The following METTL25 variants were observed in gnomAD, a reference collection of about 807,000 sequenced individuals.
The protein encoded by METTL25 is probable methyltransferase-like protein 25.
In METTL25, 64 loss-of-function variants were observed where a neutral mutation model predicts 71.6. The observed-to-expected ratio is 0.89, with a 90% CI of 0.73 to 1.10. The LOEUF is 1.10. Among genes scored for constraint, METTL25 ranks in the 50% least tolerant of loss-of-function variants. The probability of loss-of-function intolerance (pLI) is 0.00; values close to 1 mark genes in which losing one functional copy is unlikely to be tolerated. For synonymous variants in METTL25, 287 were observed against 250.3 expected (o/e 1.15, Z -1.38); for missense variants, 807 against 707.0 (o/e 1.14, Z -1.60).
At chr12:82,384,129 A>G (rs1414355417) in intron 1 of METTL25, among the ~76,000 whole-genome samples, 1 of 152,204 alleles carries the variant, frequency 6.6e-6, no homozygotes, top group East Asian at 1.9e-4. Context: ...ATCAAGCCAT[A>G]TAATATGCAG....
intron 7 of METTL25, among the ~76,000 whole-genome samples, chr12:82,438,090 TC>T (rs1890053405): frequency 1.3e-5 from 2 of 151,710 alleles, no homozygotes; most frequent in East Asian, 3.9e-4. Flanking sequence ...TTCTTTCCAT[TC>T]AAAAACCTTT....
chr12:82,359,783 G>A (rs1565790607), intron 1 of METTL25, among the ~76,000 whole-genome samples: 1 of 152,194 alleles, frequency 6.6e-6, no homozygotes, highest in Non-Finnish European at 1.5e-5. Flanking sequence ...ACAGGCTTCT[G>A]GGATTTTTAC....
chr12:82,390,557 G>A (rs1229584740), intron 3 of METTL25, among the ~76,000 whole-genome samples: 2 of 151,924 alleles, frequency 1.3e-5, no homozygotes, highest in South Asian at 2.1e-4. Flanking sequence ...GAAGAAGATC[G>A]GTGGTGGTAA....
In METTL25 at chr12:82,425,650, C is replaced by G. The variant is rs140704828; in HGVS notation, c.1280-5243C>G. Among the ~76,000 whole-genome samples the G allele has an allele frequency of 1.8e-4, 27 of 152,014 alleles. 1 individual carries two copies. The highest frequency in any genetic ancestry group is 5.5e-4 in the African/African-American group (23 of 41,508). On this transcript the variant is annotated intron_variant, in intron 5 of 11. Coordinates refer to ENST00000248306, the MANE Select transcript of METTL25 (RefSeq NM_032230.3). ...TGTGTTTTAGAAAGATAATATTGCT[C>G]TTAGTATAAAGGATGGGCAAAAAGA...
At chr12:82,472,877 C>G (rs1892650554) in intron 9 of METTL25, among the ~76,000 whole-genome samples, 1 of 152,054 alleles carries the variant, frequency 6.6e-6, no homozygotes, top group African/African-American at 2.4e-5. Flanking sequence ...ATCATGTTTC[C>G]TTGCTTTTTC....
intron 8 of METTL25, among the ~76,000 whole-genome samples, chr12:82,444,666 T>A (rs1201147265): frequency 6.6e-6 from 1 of 152,158 alleles, no homozygotes; most frequent in South Asian, 2.1e-4. Context: ...GATGGAGTTA[T>A]AGAGGTTTTT....
In METTL25 at chr12:82,456,723, A is replaced by C; in HGVS notation, c.1479-4A>C. 1 of 1,559,506 alleles carries C rather than the reference A, an allele frequency of 6.4e-7. No homozygotes were observed. The highest frequency in any genetic ancestry group is 1.2e-5 in the South Asian group (1 of 84,710). ...CTAAAAATTTATTCAATTTTGTTTTACAGTGATCGGCATGTTGGTAAAATT... is the reference window on the plus strand; with the variant it reads ...CTAAAAATTTATTCAATTTTGTTTTCCAGTGATCGGCATGTTGGTAAAATT... On this transcript the variant is annotated splice_polypyrimidine_tract_variant and splice_region_variant and intron_variant, in intron 8 of 11. Transcript: ENST00000248306.
chr12:82,431,477 T>C (rs111486349), intron 6 of METTL25, among the ~76,000 whole-genome samples: 1 of 151,620 alleles, frequency 6.6e-6, no homozygotes, highest in African/African-American at 2.4e-5. Context: ...GTGATTTTTG[T>C]GTTATCAGAA....
intron 1 of METTL25, among the ~76,000 whole-genome samples, chr12:82,383,239 T>C (rs1374739826): frequency 6.6e-6 from 1 of 151,778 alleles, no homozygotes; most frequent in Admixed American, 6.6e-5. Context: ...CAGTGGCGCG[T>C]TCTCGGCTCA....
chr12:82,453,643 TTC>T (rs1338969287), intron 8 of METTL25, among the ~76,000 whole-genome samples: 1 of 152,144 alleles, frequency 6.6e-6, no homozygotes, highest in African/African-American at 2.4e-5. Flanking sequence ...ACTTTGCACT[TTC>T]TGTTACATAT....
At chr12:82,365,532 T>TA (rs1208596585) in intron 1 of METTL25, among the ~76,000 whole-genome samples, 5 of 152,214 alleles carry the variant, frequency 3.3e-5, no homozygotes, top group African/African-American at 1.2e-4. Context: ...AAGATTTCAT[T>TA]ATAGCTCCTT....
At chr12:82,441,303 T>TATAC (rs1190231226) in intron 8 of METTL25, among the ~76,000 whole-genome samples, 3 of 151,168 alleles carry the variant, frequency 2.0e-5, no homozygotes, top group East Asian at 1.9e-4. Flanking sequence ...TATATATATA[T>TATAC]ATATAGTACC....
At position 82,448,507 on chromosome 12, in the gene METTL25, A is replaced by G. The variant is rs1452651801; in HGVS notation, c.1479-8220A>G. 2.6e-5 allele frequency among the ~76,000 whole-genome samples: 4 copies of G among 152,168 alleles called. No homozygotes were observed. The East Asian group carries it at 7.7e-4, about 29-fold the overall frequency. On this transcript the variant is annotated intron_variant, in intron 8 of 11. Coordinates refer to ENST00000248306, the MANE Select transcript of METTL25 (RefSeq NM_032230.3). Reference sequence around the variant, plus strand: ...CTCTTTTAAAACACTTGGAAAGAAAACAGGGAAAATCCAATTTGTACACTT... The same window carrying G: ...CTCTTTTAAAACACTTGGAAAGAAAGCAGGGAAAATCCAATTTGTACACTT...
At chr12:82,405,391 A>G (rs1256437082) in intron 5 of METTL25, among the ~76,000 whole-genome samples, 5 of 152,036 alleles carry the variant, frequency 3.3e-5, no homozygotes, top group African/African-American at 1.2e-4. Context: ...GTTTTTTTGT[A>G]AAATATGTAA....
chr12:82,453,273 G>T lies in METTL25; in HGVS notation c.1479-3454G>T, dbSNP rs75966179. On this transcript the variant is annotated intron_variant, in intron 8 of 11. Coordinates refer to ENST00000248306, the MANE Select transcript of METTL25 (RefSeq NM_032230.3). Reference sequence around the variant, plus strand: ...TAATTATAGCAGGAGGGTCTGCATAGCTTTTCTGTAAGAATATGTACACAC... The same window carrying T: ...TAATTATAGCAGGAGGGTCTGCATATCTTTTCTGTAAGAATATGTACACAC... Among the ~76,000 whole-genome samples, 66 of 152,226 alleles carry T rather than the reference G, an allele frequency of 4.3e-4. No individual in the cohort carries two copies. In the East Asian group the frequency reaches 0.011, roughly 25 times the overall value.
rs1046391195 is a variant in METTL25, at chr12:82,362,547, A to C, written c.259+3723A>C. 9.2e-5 allele frequency among the ~76,000 whole-genome samples: 14 copies of C among 152,330 alleles called. No individual in the cohort carries two copies. The South Asian group carries it at 1.2e-3, about 14-fold the overall frequency. On this transcript the variant is annotated intron_variant, in intron 1 of 11. Transcript: ENST00000248306. ...TAAACACAGCTGAGCAGTCTTGGTG[A>C]GACCGGTGAGAGATGGCATTTGGAG...
At chr12:82,469,184 CT>C (rs1428389969) in intron 9 of METTL25, among the ~76,000 whole-genome samples, 2 of 152,112 alleles carry the variant, frequency 1.3e-5, no homozygotes, top group African/African-American at 4.8e-5. Flanking sequence ...GTGTTTCTCA[CT>C]TTTTTGGATG....
intron 3 of METTL25, among the ~76,000 whole-genome samples, chr12:82,391,176 G>A (rs1885537493): frequency 6.6e-6 from 1 of 151,982 alleles, no homozygotes; most frequent in Non-Finnish European, 1.5e-5. Context: ...AGTCTTGAGG[G>A]GAAATCTGGT....
intron 4 of METTL25, among the ~76,000 whole-genome samples, chr12:82,399,715 A>C (rs1238427587): frequency 6.6e-6 from 1 of 152,166 alleles, no homozygotes; most frequent in Admixed American, 6.6e-5. Context: ...TTTAATTTAA[A>C]TTTGAAGTAA....
Sources: gnomAD v4.1 joint callset for allele counts (sites outside exome capture counted in the v4.1 genomes callset) on GRCh38, gnomAD v4.1.1 for gene constraint, MANE v1.5 for transcripts, NCBI Gene and HGNC (gene_info 2026-07-23, HGNC 2026-07-21) for gene names.